UNC5C: variants seen among roughly 807,000 people sequenced by gnomAD.
UNC5C encodes the protein unc-5 netrin receptor C.
A neutral mutation model predicts 99.8 loss-of-function variants in UNC5C; 47 were observed. The observed-to-expected ratio is 0.47, with a 90% confidence interval of 0.37 to 0.60. UNC5C has a LOEUF of 0.60. UNC5C is among the 20% of genes least tolerant of loss of function. UNC5C has a pLI of 0.00. For missense variants in UNC5C, 1,062 were observed against 1,165.9 expected (o/e 0.91, Z 1.30); for synonymous variants, 487 against 452.2 (o/e 1.08, Z -0.98).
chr4:95,391,799 A>C (rs1410685299), intron 1 of UNC5C, among the ~76,000 whole-genome samples: 1 of 149,106 alleles, frequency 6.7e-6, no homozygotes, highest in Non-Finnish European at 1.5e-5. Context: ...AGAGAGGCCA[A>C]AGCACTGTGG....
At chr4:95,317,338 G>A (rs1466747565) in intron 2 of UNC5C, among the ~76,000 whole-genome samples, 1 of 152,174 alleles carries the variant, frequency 6.6e-6, no homozygotes, top group Non-Finnish European at 1.5e-5. Context: ...AAAATCTATT[G>A]AATTCAAGCC....
intron 1 of UNC5C, among the ~76,000 whole-genome samples, chr4:95,380,402 T>C (rs1283738473): frequency 6.6e-6 from 1 of 151,952 alleles, no homozygotes; most frequent in Non-Finnish European, 1.5e-5. Flanking sequence ...CAATTATTAC[T>C]ACAAATTGCT....
intron 4 of UNC5C, among the ~76,000 whole-genome samples, chr4:95,255,060 G>T (rs1051067452): frequency 6.6e-6 from 1 of 151,732 alleles, no homozygotes; most frequent in Admixed American, 6.6e-5. Flanking sequence ...ACTGCAGCCA[G>T]CCTCCACCTC....
At chr4:95,480,042 CT>C (rs1021919526) in intron 1 of UNC5C, among the ~76,000 whole-genome samples, 3 of 151,574 alleles carry the variant, frequency 2.0e-5, no homozygotes. Flanking sequence ...GAAATTACAC[CT>C]CGGGCCTGTG....
intron 1 of UNC5C, among the ~76,000 whole-genome samples, chr4:95,344,554 G>A (rs867021235): frequency 1.3e-5 from 2 of 152,002 alleles, no homozygotes; most frequent in Middle Eastern, 3.4e-3. Flanking sequence ...ATATTATAAC[G>A]TTATAATTCT....
chr4:95,223,716 G>T (rs1200360640), intron 7 of UNC5C, among the ~76,000 whole-genome samples: 1 of 152,052 alleles, frequency 6.6e-6, no homozygotes, highest in Non-Finnish European at 1.5e-5. Context: ...AAACACCACT[G>T]CCTGGTAATA....
intron 3 of UNC5C, among the ~76,000 whole-genome samples, chr4:95,294,218 T>C (rs1741590065): frequency 6.6e-6 from 1 of 152,188 alleles, no homozygotes; most frequent in African/African-American, 2.4e-5. Context: ...GGCTGGCATA[T>C]TTCTATTGGA....
At chr4:95,203,946 G>A (rs1003643007) in intron 11 of UNC5C, among the ~76,000 whole-genome samples, 8 of 152,134 alleles carry the variant, frequency 5.3e-5, no homozygotes, top group Non-Finnish European at 1.2e-4. Context: ...CAAGCAGGCA[G>A]CTGTCCCAAG....
chr4:95,286,301 G>A (rs2865426), intron 3 of UNC5C, among the ~76,000 whole-genome samples: 100,148 of 152,090 alleles, frequency 0.66, 33,949 homozygotes, highest in African/African-American at 0.83. Context: ...TGATTAAACT[G>A]CAGATTCCAC....
chr4:95,337,995 A>C (rs929407543), intron 1 of UNC5C, among the ~76,000 whole-genome samples: 2 of 152,038 alleles, frequency 1.3e-5, no homozygotes, highest in African/African-American at 2.4e-5. Context: ...GCAATATGGC[A>C]TATCACTTCT....
At chr4:95,471,218 G>A (rs1412558556) in intron 1 of UNC5C, among the ~76,000 whole-genome samples, 1 of 152,010 alleles carries the variant, frequency 6.6e-6, no homozygotes, top group African/African-American at 2.4e-5. Context: ...GGTGATTTTT[G>A]TTTGAAATTG....
intron 4 of UNC5C, among the ~76,000 whole-genome samples, chr4:95,277,232 A>G (rs1740895450): frequency 6.6e-6 from 1 of 152,204 alleles, no homozygotes; most frequent in African/African-American, 2.4e-5. Flanking sequence ...GAACCCATAT[A>G]TAGGTCCCAA....
intron 1 of UNC5C, among the ~76,000 whole-genome samples, chr4:95,387,736 T>A (rs996756772): frequency 6.6e-6 from 1 of 152,224 alleles, no homozygotes; most frequent in African/African-American, 2.4e-5. Flanking sequence ...ATAATACATC[T>A]TAAACATCAG....
chr4:95,447,399 A>T (rs894695825), intron 1 of UNC5C, among the ~76,000 whole-genome samples: 11 of 152,234 alleles, frequency 7.2e-5, no homozygotes, highest in African/African-American at 2.7e-4. Context: ...ATAGACAAGG[A>T]AAGTTATATT....
In UNC5C at chr4:95,168,090, GA is replaced by G. The variant is rs1196025378; in HGVS notation, c.*1143del. On this transcript the variant is annotated 3_prime_UTR_variant, in exon 16 of 16. Coordinates refer to ENST00000453304, the MANE Select transcript of UNC5C (RefSeq NM_003728.4). ...TGCCTCTAGAGTAGAGCACCATAGG[GA>G]GTCGACGTGGGGCCACACAACGGCA... 1.3e-5 allele frequency: 2 copies of G among 152,184 alleles called. No homozygotes were observed. The highest frequency in any genetic ancestry group is 2.4e-5 in the African/African-American group (1 of 41,420). 9.4% of individuals were successfully genotyped at this position (152,184 alleles called of 1,614,324 possible). A position where few individuals can be genotyped will look rare whatever the true frequency, so the allele number is the denominator to read the frequency against.
intron 1 of UNC5C, among the ~76,000 whole-genome samples, chr4:95,505,092 C>T (rs906618320): frequency 1.3e-5 from 2 of 152,058 alleles, no homozygotes; most frequent in Admixed American, 1.3e-4. Context: ...ATATTCACTT[C>T]TTAATTTCAG....
At chr4:95,184,551 G>T (rs970361451) in intron 13 of UNC5C, among the ~76,000 whole-genome samples, 3 of 152,138 alleles carry the variant, frequency 2.0e-5, no homozygotes, top group Admixed American at 6.5e-5. Context: ...TGACACTTGG[G>T]ACCAGTATTT....
intron 1 of UNC5C, among the ~76,000 whole-genome samples, chr4:95,454,092 C>A: frequency 6.6e-6 from 1 of 151,916 alleles, no homozygotes; most frequent in East Asian, 1.9e-4. Flanking sequence ...GTGGTAGTTG[C>A]ACAATATTGT....
intron 1 of UNC5C, among the ~76,000 whole-genome samples, chr4:95,475,509 GAC>G (rs1159817384): frequency 6.6e-6 from 1 of 151,984 alleles, no homozygotes; most frequent in Non-Finnish European, 1.5e-5. Context: ...TCTGTCCTGT[GAC>G]AGTCAGGAGA....
Sources: allele counts gnomAD v4.1 joint callset (sites outside exome capture counted in the v4.1 genomes callset), GRCh38; gene constraint gnomAD v4.1.1; transcripts MANE v1.5; gene names NCBI Gene and HGNC (gene_info 2026-07-23, HGNC 2026-07-21).